Variants in ECPAS observed in about 807,000 individuals in gnomAD.
ECPAS encodes proteasome adapter and scaffold protein ECM29.
ECPAS carries 70 observed loss-of-function variants against 255.1 expected under a neutral mutation model. The observed-to-expected ratio is 0.27, with a 90% CI of 0.23 to 0.33. ECPAS has a LOEUF of 0.33. Ranked by LOEUF, ECPAS falls within the 10% of genes least tolerant of loss-of-function variation. The pLI, the probability that ECPAS is intolerant of heterozygous loss-of-function variation, is 1.00. For synonymous variants in ECPAS, 784 were observed against 775.0 expected, an observed-to-expected ratio of 1.01 and a Z score of -0.19; for missense variants, 1,817 against 2,206.4, an observed-to-expected ratio of 0.82 and a Z score of 3.54.
chr9:111,403,268 GAGAAT>G (rs2098178966), intron 24 of ECPAS, among the ~76,000 whole-genome samples: 1 of 151,788 alleles, frequency 6.6e-6, no homozygotes, highest in African/African-American at 2.4e-5. Flanking sequence ...GCTGAGGCAG[GAGAAT>G]CTCTTGAACC....
chr9:111,483,454 G>C (rs2098309962), intron 1 of ECPAS: 16 of 956,290 alleles, frequency 1.7e-5, no homozygotes, highest in Non-Finnish European at 2.0e-5. Flanking sequence ...CCCCGGCACC[G>C]CGCGGCGCCC....
At chr9:111,483,087 C>T (rs184449499) in intron 1 of ECPAS, among the ~76,000 whole-genome samples, 2 of 152,298 alleles carry the variant, frequency 1.3e-5, no homozygotes, top group Admixed American at 6.5e-5. Context: ...TTCCCGAAAG[C>T]TCCATTTCTA....
intron 25 of ECPAS, among the ~76,000 whole-genome samples, chr9:111,394,887 T>A (rs561716822): frequency 5.9e-5 from 9 of 152,338 alleles, no homozygotes; most frequent in African/African-American, 2.2e-4. Flanking sequence ...ATGATTTACA[T>A]TAAGACCCTT....
At chr9:111,480,779 T>C (rs991144475) in intron 1 of ECPAS, among the ~76,000 whole-genome samples, 1 of 152,220 alleles carries the variant, frequency 6.6e-6, no homozygotes, top group Non-Finnish European at 1.5e-5. Flanking sequence ...CACCGATATC[T>C]GTGGCTGATG....
chr9:111,464,738 C>T (rs1403377892), intron 2 of ECPAS, among the ~76,000 whole-genome samples: 6 of 150,288 alleles, frequency 4.0e-5, no homozygotes, highest in Admixed American at 6.7e-5. Flanking sequence ...ATATTGGGTA[C>T]GATACATCAC....
At chr9:111,387,783 G>C (rs546019760) in intron 31 of ECPAS, among the ~76,000 whole-genome samples, 2 of 151,722 alleles carry the variant, frequency 1.3e-5, no homozygotes, top group Admixed American at 6.5e-5. Flanking sequence ...TTGAGGGACA[G>C]AGTCTCACTC....
At chr9:111,413,175 T>C (rs561087785) in intron 20 of ECPAS, among the ~76,000 whole-genome samples, 1 of 152,288 alleles carries the variant, frequency 6.6e-6, no homozygotes, top group Admixed American at 6.5e-5. Flanking sequence ...ATTCCACTTC[T>C]AGGGAATCCA....
chr9:111,412,367 T>C (rs2098196039), intron 20 of ECPAS, among the ~76,000 whole-genome samples: 1 of 152,212 alleles, frequency 6.6e-6, no homozygotes, highest in South Asian at 2.1e-4. Context: ...GTGAAATTTA[T>C]TCACAGATGA....
chr9:111,378,595 C>A lies in ECPAS; in HGVS notation c.3939G>T (p.Ala1313=). The change falls in exon 36 of 50, where the codon GCG becomes GCT. Residue 1313 remains alanine (A), a synonymous_variant. Transcript: ENST00000684092. The part of the protein sequence containing the change: ...PQVLNYLSLR[A]TEQEKAAMDS... ...ATCCACTCACCTTTTCTTGCTCTGT[C>A]GCCCGGAGGCTCAAATAATTGAGAA... is the stretch of plus-strand genomic sequence containing the variant. 3 of 1,613,308 alleles carry A rather than the reference C, an allele frequency of 1.9e-6. No individual in the cohort carries two copies. Among genetic ancestry groups the A allele is most frequent in the Non-Finnish European group, 2.5e-6 (3 of 1,179,472 alleles).
intron 45 of ECPAS, among the ~76,000 whole-genome samples, chr9:111,369,481 G>A (rs1050059484): frequency 6.6e-6 from 1 of 152,180 alleles, no homozygotes; most frequent in Non-Finnish European, 1.5e-5. Context: ...AAGAAACTCA[G>A]TAATGATCTA....
Position 111,380,192 on chromosome 9 carries a change from T to C in ECPAS, c.3804-1462A>G, listed in dbSNP as rs149660174. ...TGATCCATGGGCTTCAGAATGGATGTTGTGTTATGCTAACAGCCATGAAAA... is the reference window on the plus strand; with the variant it reads ...TGATCCATGGGCTTCAGAATGGATGCTGTGTTATGCTAACAGCCATGAAAA... On this transcript the variant is annotated intron_variant, in intron 35 of 49. Transcript: ENST00000684092. 3.3e-3 allele frequency among the ~76,000 whole-genome samples: 508 copies of C among 152,368 alleles called. 5 individuals carry two copies. Among genetic ancestry groups the C allele is most frequent in the African/African-American group, 0.012 (487 of 41,580 alleles).
chr9:111,414,592 C>G lies in ECPAS; in HGVS notation c.1824G>C (p.Gln608His), dbSNP rs369772738. The change falls in exon 19 of 50, where the codon CAG becomes CAC. Residue 608 changes from glutamine (Q) to histidine (H), a missense_variant. Physicochemically the swap from Gln to His is conservative, Grantham distance 24. Around this residue, in one of 4 missense-constraint regions of ECPAS, gnomAD observed 573 missense variants for 716.2 expected, o/e 0.80. Transcript: ENST00000684092. ...CATGATCCTGCATATCAGCCAAACT[C>G]TGAGAGGTGGGCACCACCCCCGCAC... ...AHSAGVVPTS[Q>H]SLADMQDHAP... 2.7e-5 allele frequency: 43 copies of G among 1,613,884 alleles called. No individual in the cohort carries two copies. The highest frequency in any genetic ancestry group is 3.4e-5 in the Non-Finnish European group (40 of 1,179,908).
chr9:111,386,924 T>C (rs2098149773), intron 31 of ECPAS, among the ~76,000 whole-genome samples: 3 of 152,236 alleles, frequency 2.0e-5, no homozygotes, highest in South Asian at 2.1e-4. Flanking sequence ...TCTGTTCCCA[T>C]AGCACCTTCT....
At position 111,417,943 on chromosome 9, in the gene ECPAS, T is replaced by G; in HGVS notation, c.1623A>C (p.Lys541Asn). ...AAGGCATCTGCTCAGAAGTACTTTCTTTTCTGTTTCTACCTGGAAGACACC... is the reference window on the plus strand; with the variant it reads ...AAGGCATCTGCTCAGAAGTACTTTCGTTTCTGTTTCTACCTGGAAGACACC... ...VLRCLPGRNR[K>N]ESTSEQMPSF... The change falls in exon 17 of 50, where the codon AAA becomes AAC. Residue 541 changes from lysine to asparagine, a missense_variant. Transcript: ENST00000684092. 1.2e-6 allele frequency: 2 copies of G among 1,603,580 alleles called. No individual in the cohort carries two copies. Among genetic ancestry groups the G allele is most frequent in the Non-Finnish European group, 1.7e-6 (2 of 1,174,674 alleles).
rs758123280 is a variant in ECPAS, at chr9:111,436,933, G to A, written c.708+7C>T. On this transcript the variant is annotated splice_region_variant and intron_variant, in intron 7 of 49. Coordinates refer to ENST00000684092, the MANE Select transcript of ECPAS (RefSeq NM_001364929.1). ...AACTACTATTATGAGCAAGCCTTGT[G>A]TGATACCTGTTCCAATTGTTCAGGT... The A allele has an allele frequency of 6.3e-7, 1 of 1,595,996 alleles. No individual in the cohort carries two copies. Among genetic ancestry groups the A allele is most frequent in the South Asian group, 1.1e-5 (1 of 87,664 alleles).
intron 7 of ECPAS, among the ~76,000 whole-genome samples, chr9:111,433,803 C>T (rs959830443): frequency 1.3e-5 from 2 of 152,286 alleles, no homozygotes; most frequent in African/African-American, 2.4e-5. Context: ...GAATATAGTG[C>T]TCCATGGATT....
chr9:111,427,145 T>C (rs1487523533), intron 10 of ECPAS, among the ~76,000 whole-genome samples: 1 of 136,350 alleles, frequency 7.3e-6, no homozygotes, highest in Non-Finnish European at 1.5e-5. Context: ...AGCAACACAG[T>C]GAGACCCTGT....
chr9:111,434,931 C>T (rs973970827), intron 7 of ECPAS, among the ~76,000 whole-genome samples: 41 of 122,458 alleles, frequency 3.3e-4, no homozygotes, highest in African/African-American at 1.3e-3. Context: ...CAGAGTCTTG[C>T]TCTATCGCCC....
At chr9:111,384,717 T>A in intron 33 of ECPAS, 148 bp from the exon 34 acceptor site, 1 of 666,848 alleles carries the variant, frequency 1.5e-6, no homozygotes, top group Non-Finnish European at 2.7e-6. Flanking sequence ...TGGTATCTCA[T>A]CAGACTCTCT....
Sources: gnomAD v4.1 joint callset for allele counts (sites outside exome capture counted in the v4.1 genomes callset) on GRCh38, gnomAD v4.1.1 for gene constraint, gnomAD v4.1.1 regional missense constraint, MANE v1.5 for transcripts, NCBI Gene and HGNC (gene_info 2026-07-23, HGNC 2026-07-21) for gene names.